TBK1: variants seen among roughly 807,000 people sequenced by gnomAD.
The protein encoded by TBK1 is serine/threonine-protein kinase TBK1.
Under a neutral mutation model 99.9 loss-of-function variants are expected in TBK1, and 37 were observed. The ratio of observed to expected loss-of-function variants is 0.37; its 90% CI spans 0.28 to 0.49. The LOEUF (loss-of-function observed/expected upper bound fraction) is 0.49. Ranked by LOEUF, TBK1 falls within the 20% of genes least tolerant of loss-of-function variation. The pLI, the probability that TBK1 is intolerant of heterozygous loss-of-function variation, is 0.98. For missense variants in TBK1, 644 were observed against 872.5 expected (o/e 0.74, Z 3.30); for synonymous variants, 258 against 279.8 (o/e 0.92, Z 0.78).
At position 64,467,098 on chromosome 12, in the gene TBK1, C is replaced by T. The variant is rs1353503940; in HGVS notation, c.540+16C>T. 2 of 1,516,200 alleles carry T rather than the reference C, an allele frequency of 1.3e-6. No individual in the cohort carries two copies. The highest frequency in any genetic ancestry group is 4.0e-5 in the Admixed American group (2 of 50,572). The allele number at this position is 1,516,200 out of a possible 1,614,324, so 93.9% of individuals were successfully genotyped here. A position where few individuals can be genotyped will look rare whatever the true frequency, so the allele number is the denominator to read the frequency against. ...AGAATATTTGGTAAGTCATGTATCA[C>T]TAATATTTTCATTTAAAGAAGCTTG... On this transcript the variant is annotated intron_variant, in intron 5 of 20. Transcript: ENST00000331710.
intron 13 of TBK1, among the ~76,000 whole-genome samples, chr12:64,493,363 A>G (rs1049877061): frequency 1.3e-4 from 20 of 152,098 alleles, no homozygotes; most frequent in African/African-American, 4.3e-4. Flanking sequence ...GCAGTGGTTC[A>G]CACCTGTAAT....
chr12:64,488,532 A>G lies in TBK1; in HGVS notation c.1386A>G (p.Thr462=). 1.2e-6 allele frequency: 2 copies of G among 1,604,808 alleles called. No homozygotes were observed. The highest frequency in any genetic ancestry group is 1.7e-6 in the Non-Finnish European group (2 of 1,176,916). The part of the protein sequence containing the change: ...DDYNETVHKK[T]EVVITLDFCI... ...ACAATGAAACTGTTCACAAAAAGAC[A>G]GAAGTTGTGATCACATTGGATTTCT... The change falls in exon 12 of 21, where the codon ACA becomes ACG. Residue 462 remains threonine (T), a synonymous_variant. Transcript: ENST00000331710.
chr12:64,464,486 TATC>T lies in TBK1; in HGVS notation c.358+26_358+28del, dbSNP rs138727403. 1,895 of 1,492,636 alleles carry T rather than the reference TATC, an allele frequency of 1.3e-3. 22 individuals are homozygous for T. The African/African-American group carries it at 0.019, about 15-fold the overall frequency. The allele number at this position is 1,492,636 out of a possible 1,614,324, so 92.5% of individuals were successfully genotyped here. ...TGGGTATGTTTGTTTATTTATATGA[TATC>T]ATTTGTATATAAAATTTAATAACAG... On this transcript the variant is annotated intron_variant, in intron 4 of 20. Transcript: ENST00000331710.
At chr12:64,488,441 AAAT>A (rs1439763845) in intron 11 of TBK1, 43 bp from the exon 12 acceptor site, 1 of 1,225,074 alleles carries the variant, frequency 8.2e-7, no homozygotes, top group African/African-American at 1.5e-5. Context: ...TAGATAGAAA[AAAT>A]AACTCCTTAG....
intron 5 of TBK1, among the ~76,000 whole-genome samples, chr12:64,468,202 A>G (rs1006343386): frequency 6.6e-6 from 1 of 152,106 alleles, no homozygotes; most frequent in Admixed American, 6.5e-5. Context: ...TTTTTTAAAA[A>G]AAGGTACCTG....
At position 64,474,542 on chromosome 12, in the gene TBK1, C is replaced by T. The variant is rs547507660; in HGVS notation, c.701+152C>T. ...ACCTGGTTTTTAAAAAGAATGCAGCCTTATAAAAGTTTGCATAATTTTATG... is the reference window on the plus strand; with the variant it reads ...ACCTGGTTTTTAAAAAGAATGCAGCTTTATAAAAGTTTGCATAATTTTATG... On this transcript the variant is annotated intron_variant, in intron 6 of 20. Transcript: ENST00000331710. 228 of 741,318 alleles carry T rather than the reference C, an allele frequency of 3.1e-4. 1 individual carries two copies. The highest frequency in any genetic ancestry group is 4.3e-4 in the Non-Finnish European group (200 of 468,242). 45.9% of individuals were successfully genotyped at this position (741,318 alleles called of 1,614,324 possible). A position where few individuals can be genotyped will look rare whatever the true frequency, so the allele number is the denominator to read the frequency against.
At chr12:64,488,021 C>T (rs986934921) in intron 11 of TBK1, among the ~76,000 whole-genome samples, 5 of 152,198 alleles carry the variant, frequency 3.3e-5, no homozygotes, top group African/African-American at 1.2e-4. Context: ...ATTAGGGATG[C>T]TTAACCAGTA....
In TBK1 at chr12:64,495,687, TTCCTTAAATAGTGTAGAAAAA is replaced by T. The variant is rs752082931; in HGVS notation, c.1644-11_1653del. 6.2e-7 allele frequency: 1 copy of T among 1,612,032 alleles called. No homozygotes were observed. Among genetic ancestry groups the T allele is most frequent in the Non-Finnish European group, 8.5e-7 (1 of 1,179,456 alleles). On this transcript the variant is annotated splice_acceptor_variant and splice_polypyrimidine_tract_variant and coding_sequence_variant and intron_variant, in exon 15 of 21. Coordinates refer to ENST00000331710, the MANE Select transcript of TBK1 (RefSeq NM_013254.4). LOFTEE classifies it high-confidence loss of function. The stretch of plus-strand genomic sequence containing the variant: ...CTCAGTTAATTTATTTGAGTTTTTC[TTCCTTAAATAGTGTAGAAAAA>T]CTACAAGTCCTGTTAAATTGCATGA...
At chr12:64,465,891 T>C (rs1324908287) in intron 4 of TBK1, among the ~76,000 whole-genome samples, 2 of 152,174 alleles carry the variant, frequency 1.3e-5, no homozygotes, top group African/African-American at 4.8e-5. Context: ...TTGTACACTT[T>C]AAAAAGATGA....
Position 64,464,315 on chromosome 12 carries a change from C to G in TBK1, c.229-19C>G. On this transcript the variant is annotated intron_variant, in intron 3 of 20. Coordinates refer to ENST00000331710, the MANE Select transcript of TBK1 (RefSeq NM_013254.4). ...TTTATTTTTTATGTTGATTCCCAAT[C>G]AATGATTTTTTTTTTCAGACAACAA... 7.0e-7 allele frequency: 1 copy of G among 1,434,568 alleles called. No homozygotes were observed. Among genetic ancestry groups the G allele is most frequent in the East Asian group, 2.5e-5 (1 of 39,940 alleles). 88.9% of individuals were successfully genotyped at this position (1,434,568 alleles called of 1,614,324 possible).
chr12:64,469,722 A>T (rs531715486), intron 5 of TBK1, among the ~76,000 whole-genome samples: 1 of 152,162 alleles, frequency 6.6e-6, no homozygotes, highest in African/African-American at 2.4e-5. Flanking sequence ...GTGTCCTTCA[A>T]ATTCAATGAT....
In TBK1 at chr12:64,478,689, A is replaced by G. The variant is rs188814358; in HGVS notation, c.702-1323A>G. On this transcript the variant is annotated intron_variant, in intron 6 of 20. Transcript: ENST00000331710. ...GGGAAGAAGACACCTATTTAACTGT[A>G]CTGATGATTTTGGCATAGCATCCTA... is the stretch of plus-strand genomic sequence containing the variant. Among the ~76,000 whole-genome samples the G allele has an allele frequency of 3.0e-3, 456 of 152,332 alleles. 2 individuals carry two copies. Among genetic ancestry groups the G allele is most frequent in the African/African-American group, 0.011 (437 of 41,578 alleles).
At chr12:64,483,105 G>A (rs562384989) in intron 8 of TBK1, among the ~76,000 whole-genome samples, 11 of 152,218 alleles carry the variant, frequency 7.2e-5, no homozygotes, top group South Asian at 4.2e-4. Context: ...TGTGATTATC[G>A]TTAATAATAA....
At position 64,455,973 on chromosome 12, in the gene TBK1, A is replaced by C; in HGVS notation, c.87+16A>C. 1 of 1,574,220 alleles carries C rather than the reference A, an allele frequency of 6.4e-7. No homozygotes were observed. Among genetic ancestry groups the C allele is most frequent in the Middle Eastern group, 1.7e-4 (1 of 5,910 alleles). On this transcript the variant is annotated intron_variant, in intron 2 of 20. Transcript: ENST00000331710. ...AAGACATAAGGTTAGTACAGAGAAA[A>C]CTTTGAAGACCTTTTATCACTGTAT...
intron 6 of TBK1, among the ~76,000 whole-genome samples, chr12:64,479,093 A>G (rs1251900140): frequency 6.6e-6 from 1 of 152,248 alleles, no homozygotes; most frequent in Non-Finnish European, 1.5e-5. Flanking sequence ...CAGTAATAAT[A>G]ATTGTTTTAC....
intron 3 of TBK1, among the ~76,000 whole-genome samples, chr12:64,461,572 G>A (rs2040548677): frequency 6.6e-6 from 1 of 152,204 alleles, no homozygotes; most frequent in Non-Finnish European, 1.5e-5. Context: ...AAATTAGAAT[G>A]TGTGGCAGAT....
At chr12:64,479,350 C>A (rs2040744764) in intron 6 of TBK1, among the ~76,000 whole-genome samples, 1 of 152,106 alleles carries the variant, frequency 6.6e-6, no homozygotes, top group African/African-American at 2.4e-5. Context: ...ACGTTAATTT[C>A]CTCTTTGAAA....
intron 5 of TBK1, among the ~76,000 whole-genome samples, chr12:64,473,412 A>T (rs1184251072): frequency 6.6e-6 from 1 of 152,216 alleles, no homozygotes; most frequent in East Asian, 1.9e-4. Flanking sequence ...TTTGTGGTCA[A>T]TTTAGAGATC....
chr12:64,490,463 C>G (rs1404933450), intron 13 of TBK1, among the ~76,000 whole-genome samples: 1 of 151,510 alleles, frequency 6.6e-6, no homozygotes, highest in East Asian at 1.9e-4. Context: ...ATCTTACTGC[C>G]TTGAAATTTT....
Sources: allele counts gnomAD v4.1 joint callset (sites outside exome capture counted in the v4.1 genomes callset), GRCh38; gene constraint gnomAD v4.1.1; transcripts MANE v1.5; gene names NCBI Gene and HGNC (gene_info 2026-07-23, HGNC 2026-07-21).